Variants in CR1L observed in about 807,000 individuals in gnomAD.
The protein encoded by CR1L is complement component receptor 1-like protein.
CR1L carries 59 observed loss-of-function variants against 62.3 expected under a neutral mutation model. That is an observed-to-expected ratio of 0.95 (90% CI 0.77 to 1.18). The LOEUF (loss-of-function observed/expected upper bound fraction) is 1.18. Ranked by LOEUF, CR1L falls within the 50% of genes most tolerant of loss-of-function variation. The probability of loss-of-function intolerance (pLI) is 0.00; values close to 1 mark genes in which losing one functional copy is unlikely to be tolerated. For synonymous variants in CR1L, 279 were observed against 248.7 expected (o/e 1.12, Z -1.15); for missense variants, 700 against 702.8 (o/e 1.00, Z 0.04).
At chr1:207,688,943 A>AT (rs1663953529) in intron 4 of CR1L, among the ~76,000 whole-genome samples, 1 of 152,146 alleles carries the variant, frequency 6.6e-6, no homozygotes, top group African/African-American at 2.4e-5. Context: ...AAGTTGCTGC[A>AT]TAATTATGTC....
At chr1:207,654,012 C>G (rs1180263182) in intron 1 of CR1L, among the ~76,000 whole-genome samples, 5 of 152,180 alleles carry the variant, frequency 3.3e-5, no homozygotes, top group Non-Finnish European at 7.3e-5. Context: ...ACAACCTGCT[C>G]TTGTGGTAAC....
intron 1 of CR1L, chr1:207,652,478 A>G: frequency 1.1e-6 from 1 of 895,964 alleles, no homozygotes; most frequent in Middle Eastern, 2.9e-4. Context: ...CTGCTGCCAG[A>G]CCACAGTCCA....
At chr1:207,660,274 G>C (rs1259864200) in intron 1 of CR1L, among the ~76,000 whole-genome samples, 1 of 152,202 alleles carries the variant, frequency 6.6e-6, no homozygotes, top group African/African-American at 2.4e-5. Context: ...CCCAATAGGG[G>C]CTGACAGACA....
At chr1:207,665,596 T>C (rs960113714) in intron 1 of CR1L, among the ~76,000 whole-genome samples, 2 of 151,850 alleles carry the variant, frequency 1.3e-5, no homozygotes, top group Non-Finnish European at 2.9e-5. Flanking sequence ...GGTTTCACCA[T>C]GTTGGCCAGG....
chr1:207,691,657 C>T (rs1463030624), intron 4 of CR1L, among the ~76,000 whole-genome samples: 1 of 152,010 alleles, frequency 6.6e-6, no homozygotes, highest in Non-Finnish European at 1.5e-5. Context: ...AGTTATATTT[C>T]ATTTTTTATT....
At chr1:207,711,207 A>G (rs1462211596) in intron 10 of CR1L, 4 of 220,726 alleles carry the variant, frequency 1.8e-5, no homozygotes, top group Non-Finnish European at 3.6e-5. Context: ...TGATGCCACA[A>G]TAGCTGGCTT....
At chr1:207,692,113 A>G (rs1259305834) in intron 4 of CR1L, among the ~76,000 whole-genome samples, 2 of 152,214 alleles carry the variant, frequency 1.3e-5, no homozygotes, top group Non-Finnish European at 2.9e-5. Flanking sequence ...AGAGTAACCT[A>G]CGGTCTGTTT....
At chr1:207,669,974 C>A (rs907786731) in intron 1 of CR1L, among the ~76,000 whole-genome samples, 2 of 151,104 alleles carry the variant, frequency 1.3e-5, no homozygotes, top group African/African-American at 5.0e-5. Flanking sequence ...AACTGTGAGG[C>A]AAGTTAGCAC....
chr1:207,691,607 TC>T (rs1376924529), intron 4 of CR1L, among the ~76,000 whole-genome samples: 3 of 152,170 alleles, frequency 2.0e-5, no homozygotes, highest in Non-Finnish European at 4.4e-5. Context: ...TTTGAATTCA[TC>T]AAGTATTTTT....
intron 4 of CR1L, among the ~76,000 whole-genome samples, chr1:207,688,380 T>G (rs1009387632): frequency 5.9e-5 from 9 of 152,222 alleles, no homozygotes; most frequent in Non-Finnish European, 1.2e-4. Flanking sequence ...TCTGTTCCAC[T>G]GGTTTATTTG....
chr1:207,658,812 AC>A (rs751591328), intron 1 of CR1L: 2 of 152,340 alleles, frequency 1.3e-5, no homozygotes, highest in Non-Finnish European at 2.9e-5. Flanking sequence ...TCACCTCAGC[AC>A]TGGCACCAGG....
intron 1 of CR1L, chr1:207,657,535 A>G (rs77240764): frequency 0.014 from 4,773 of 332,588 alleles, 231 homozygotes; most frequent in African/African-American, 0.093. Context: ...CATTTCATAC[A>G]GTGTGAACTA....
chr1:207,704,242 C>T (rs930402007), intron 9 of CR1L, among the ~76,000 whole-genome samples: 1 of 152,158 alleles, frequency 6.6e-6, no homozygotes, highest in Non-Finnish European at 1.5e-5. Flanking sequence ...GTAGCAAGAA[C>T]ACTACAATTA....
intron 10 of CR1L, among the ~76,000 whole-genome samples, chr1:207,713,652 G>C (rs919573243): frequency 6.6e-6 from 1 of 152,242 alleles, no homozygotes; most frequent in Non-Finnish European, 1.5e-5. Flanking sequence ...AGCTGGCCGC[G>C]CCAAGCACTG....
chr1:207,701,851 G>A, intron 9 of CR1L: 2 of 685,378 alleles, frequency 2.9e-6, no homozygotes, highest in Admixed American at 4.4e-5. Flanking sequence ...TCACTGGATG[G>A]GAAGGAAAAA....
intron 1 of CR1L, among the ~76,000 whole-genome samples, chr1:207,645,600 T>C (rs555910889): frequency 6.6e-6 from 1 of 151,980 alleles, no homozygotes; most frequent in South Asian, 2.1e-4. Context: ...GCGTGAATCG[T>C]GTTTTCGGGA....
At chr1:207,715,363 A>C (rs1219489651) in intron 10 of CR1L, 8 of 1,597,538 alleles carry the variant, frequency 5.0e-6, no homozygotes, top group Admixed American at 1.7e-5. Flanking sequence ...CTGGAATGAA[A>C]GCCCTTTGGA....
At chr1:207,717,256 T>C (rs1005746456) in intron 10 of CR1L, among the ~76,000 whole-genome samples, 3 of 152,208 alleles carry the variant, frequency 2.0e-5, no homozygotes, top group African/African-American at 7.2e-5. Context: ...ACACTGTCTT[T>C]GGGCTTTTGC....
intron 1 of CR1L, chr1:207,652,570 T>A (rs1292419660): frequency 6.5e-7 from 1 of 1,548,034 alleles, no homozygotes; most frequent in Non-Finnish European, 8.9e-7. Context: ...GCCACCAACA[T>A]TTGAAGCTAT....
Sources: allele counts gnomAD v4.1 joint callset (sites outside exome capture counted in the v4.1 genomes callset), GRCh38; gene constraint gnomAD v4.1.1; transcripts MANE v1.5; gene names NCBI Gene and HGNC (gene_info 2026-07-23, HGNC 2026-07-21).